Variants in NT5C3A observed in about 807,000 individuals in gnomAD.
NT5C3A encodes the protein 5'-nucleotidase, cytosolic IIIA, also known as cytosolic 5'-nucleotidase 3A.
Under a neutral mutation model 40.0 loss-of-function variants are expected in NT5C3A, and 23 were observed. The observed-to-expected ratio is 0.58, with a 90% CI of 0.41 to 0.81. The LOEUF is 0.81. Ranked by LOEUF, NT5C3A falls within the 40% of genes least tolerant of loss-of-function variation. NT5C3A has a pLI of 0.00. For missense variants in NT5C3A, 328 were observed against 403.0 expected, an observed-to-expected ratio of 0.81 and a Z score of 1.59; for synonymous variants, 130 against 141.4, an observed-to-expected ratio of 0.92 and a Z score of 0.57.
In NT5C3A at chr7:33,014,705, A is replaced by G. The variant is rs1348309297; in HGVS notation, c.*25T>C. 1 of 1,609,812 alleles carries G rather than the reference A, an allele frequency of 6.2e-7. No homozygotes were observed. The highest frequency in any genetic ancestry group is 1.3e-5 in the African/African-American group (1 of 74,800). On this transcript the variant is annotated 3_prime_UTR_variant, in exon 9 of 9. Coordinates refer to ENST00000610140, the MANE Select transcript of NT5C3A (RefSeq NM_001002010.5). Reference sequence around the variant, plus strand: ...AACAGTTCAATTGCACCCACAGGAGAGAGGTCTTCTTGGAGAATGCTTGTT... The same window carrying G: ...AACAGTTCAATTGCACCCACAGGAGGGAGGTCTTCTTGGAGAATGCTTGTT...
At chr7:33,045,071 G>T (rs913599889) in intron 1 of NT5C3A, among the ~76,000 whole-genome samples, 3 of 152,178 alleles carry the variant, frequency 2.0e-5, no homozygotes, top group African/African-American at 7.2e-5. Flanking sequence ...AACAAGGAAT[G>T]TATTTTTAAA....
intron 1 of NT5C3A, among the ~76,000 whole-genome samples, chr7:33,028,130 T>C (rs1419475233): frequency 1.3e-5 from 2 of 152,216 alleles, no homozygotes; most frequent in African/African-American, 2.4e-5. Flanking sequence ...AATAGATTTA[T>C]TTCAAATGGA....
intron 5 of NT5C3A, among the ~76,000 whole-genome samples, chr7:33,020,998 C>A (rs1476029203): frequency 6.6e-6 from 1 of 151,594 alleles, no homozygotes; most frequent in Non-Finnish European, 1.5e-5. Flanking sequence ...TGTTCATATA[C>A]TTAAAAAAAA....
At chr7:33,048,528 A>G (rs999049192) in intron 1 of NT5C3A, among the ~76,000 whole-genome samples, 1 of 152,216 alleles carries the variant, frequency 6.6e-6, no homozygotes. Context: ...TATGCTTGCT[A>G]TAAGTGTACT....
intron 1 of NT5C3A, among the ~76,000 whole-genome samples, chr7:33,040,467 T>C (rs1786859219): frequency 6.6e-6 from 1 of 152,194 alleles, no homozygotes; most frequent in Admixed American, 6.5e-5. Context: ...TTACTACCCA[T>C]AATAACTGTT....
At position 33,062,551 on chromosome 7, in the gene NT5C3A, C is replaced by G. The variant is rs775297583; in HGVS notation, c.138+17G>C. 2.5e-6 allele frequency: 4 copies of G among 1,606,266 alleles called. No individual in the cohort carries two copies. In the African/African-American group the frequency reaches 4.0e-5, roughly 16 times the overall value. On this transcript the variant is annotated intron_variant, in intron 1 of 8. Transcript: ENST00000610140. ...GGCCCCTCGCGTGCTCTGGGCGCGC[C>G]GAGCCTCCACACTCACCATCTCGAT...
At chr7:33,057,138 T>G (rs1176071252) in intron 1 of NT5C3A, among the ~76,000 whole-genome samples, 1 of 152,080 alleles carries the variant, frequency 6.6e-6, no homozygotes, top group Non-Finnish European at 1.5e-5. Flanking sequence ...AACTGCTCCT[T>G]GAGGAGCAGG....
chr7:33,041,688 A>G (rs992865041), intron 1 of NT5C3A, among the ~76,000 whole-genome samples: 3 of 152,134 alleles, frequency 2.0e-5, no homozygotes, highest in Non-Finnish European at 2.9e-5. Context: ...AAATGGGGGG[A>G]AAAAGTTCCT....
intron 1 of NT5C3A, among the ~76,000 whole-genome samples, chr7:33,041,727 G>A (rs1198043775): frequency 3.3e-5 from 5 of 151,950 alleles, no homozygotes; most frequent in African/African-American, 1.2e-4. Flanking sequence ...CAGTCCAACT[G>A]TCATGAAGAA....
intron 1 of NT5C3A, among the ~76,000 whole-genome samples, chr7:33,051,088 A>C: frequency 6.6e-6 from 1 of 152,214 alleles, no homozygotes; most frequent in African/African-American, 2.4e-5. Context: ...ATAGGACTTA[A>C]GATTCTTTAT....
At chr7:33,030,309 AC>A in intron 1 of NT5C3A, among the ~76,000 whole-genome samples, 1 of 152,294 alleles carries the variant, frequency 6.6e-6, no homozygotes, top group Non-Finnish European at 1.5e-5. Flanking sequence ...ACATGCCCCA[AC>A]TGTTGCATGA....
chr7:33,051,545 T>C (rs931004296), intron 1 of NT5C3A, among the ~76,000 whole-genome samples: 48 of 152,184 alleles, frequency 3.2e-4, no homozygotes, highest in African/African-American at 1.1e-3. Context: ...CAAACTACTA[T>C]GAACATTAAG....
At chr7:33,033,893 T>TATATATATATATAA (rs1479900522) in intron 1 of NT5C3A, among the ~76,000 whole-genome samples, 1 of 80,720 alleles carries the variant, frequency 1.2e-5, no homozygotes, top group African/African-American at 4.7e-5. Context: ...TATATATATA[T>TATATATATATATAA]AATTTTTTTT....
At chr7:33,042,018 T>A (rs1392843984) in intron 1 of NT5C3A, among the ~76,000 whole-genome samples, 4 of 152,182 alleles carry the variant, frequency 2.6e-5, no homozygotes, top group African/African-American at 9.7e-5. Flanking sequence ...AAAAAAATTT[T>A]AAATTGCTGT....
chr7:33,018,836 A>G (rs890208972), intron 6 of NT5C3A, among the ~76,000 whole-genome samples: 9 of 151,498 alleles, frequency 5.9e-5, no homozygotes, highest in Non-Finnish European at 8.8e-5. Flanking sequence ...TCCATCTCAA[A>G]AAAAAAAGAA....
intron 1 of NT5C3A, among the ~76,000 whole-genome samples, chr7:33,039,451 G>A (rs1162988689): frequency 6.6e-6 from 1 of 151,098 alleles, no homozygotes; most frequent in African/African-American, 2.4e-5. Flanking sequence ...ATAAGAAAAG[G>A]CATATATTAC....
intron 1 of NT5C3A, among the ~76,000 whole-genome samples, chr7:33,034,754 T>G (rs1786488881): frequency 1.3e-5 from 2 of 152,080 alleles, no homozygotes. Flanking sequence ...CGTGACAAAA[T>G]GCTGTGTCAC....
At chr7:33,047,484 A>C (rs1787201238) in intron 1 of NT5C3A, among the ~76,000 whole-genome samples, 2 of 151,858 alleles carry the variant, frequency 1.3e-5, no homozygotes, top group African/African-American at 4.8e-5. Context: ...GCGGGTGATA[A>C]CTTGAGTTGA....
intron 1 of NT5C3A, among the ~76,000 whole-genome samples, chr7:33,043,203 G>T (rs1787004462): frequency 1.3e-5 from 2 of 152,170 alleles, no homozygotes. Context: ...CATGAGCTGA[G>T]TATTTACAGA....
Sources: gnomAD v4.1 joint callset for allele counts (sites outside exome capture counted in the v4.1 genomes callset) on GRCh38, gnomAD v4.1.1 for gene constraint, MANE v1.5 for transcripts, NCBI Gene and HGNC (gene_info 2026-07-23, HGNC 2026-07-21) for gene names.